Variants in ST6GALNAC3 observed in about 807,000 individuals in gnomAD.
ST6GALNAC3 encodes ST6 N-acetylgalactosaminide alpha-2,6-sialyltransferase 3, also known as alpha-N-acetylgalactosaminide alpha-2,6-sialyltransferase 3.
In ST6GALNAC3, 25 loss-of-function variants were observed where a neutral mutation model predicts 32.7. That is an observed-to-expected ratio of 0.76 (90% CI 0.56 to 1.07). ST6GALNAC3 has a LOEUF of 1.07. ST6GALNAC3 is among the 50% of genes least tolerant of loss of function. The probability of loss-of-function intolerance (pLI) is 0.00; values close to 1 mark genes in which losing one functional copy is unlikely to be tolerated. For synonymous variants in ST6GALNAC3, 129 were observed against 133.1 expected (o/e 0.97, Z 0.21); for missense variants, 355 against 382.4 (o/e 0.93, Z 0.60).
At chr1:76,394,765 G>C (rs1008779864) in intron 2 of ST6GALNAC3, among the ~76,000 whole-genome samples, 8 of 151,910 alleles carry the variant, frequency 5.3e-5, no homozygotes, top group African/African-American at 1.9e-4. Flanking sequence ...TAATTCATTG[G>C]CTTATTAAAT....
intron 3 of ST6GALNAC3, among the ~76,000 whole-genome samples, chr1:76,523,472 GAA>G (rs1358493564): frequency 3.3e-5 from 5 of 152,116 alleles, no homozygotes; most frequent in Non-Finnish European, 5.9e-5. Flanking sequence ...TCTTGCATTA[GAA>G]AAGGGTTACC....
chr1:76,240,377 A>C (rs1656896351), intron 1 of ST6GALNAC3, among the ~76,000 whole-genome samples: 1 of 152,172 alleles, frequency 6.6e-6, no homozygotes, highest in Non-Finnish European at 1.5e-5. Flanking sequence ...ACTTATATTT[A>C]GTTCTCTAAT....
intron 3 of ST6GALNAC3, among the ~76,000 whole-genome samples, chr1:76,513,042 G>A (rs1406523009): frequency 1.3e-5 from 2 of 151,556 alleles, no homozygotes; most frequent in Non-Finnish European, 2.9e-5. Context: ...ACTCCTTGTC[G>A]AATGTATAGT....
intron 1 of ST6GALNAC3, among the ~76,000 whole-genome samples, chr1:76,215,596 C>T (rs1470523484): frequency 6.6e-6 from 1 of 152,204 alleles, no homozygotes; most frequent in Non-Finnish European, 1.5e-5. Context: ...TATTAAGTTA[C>T]TTGCATGGAA....
At chr1:76,504,879 T>G (rs1350007355) in intron 3 of ST6GALNAC3, among the ~76,000 whole-genome samples, 1 of 152,198 alleles carries the variant, frequency 6.6e-6, no homozygotes, top group Non-Finnish European at 1.5e-5. Flanking sequence ...CACTGTCATT[T>G]TTTTCTATCG....
At chr1:76,446,137 A>AT (rs951081545) in intron 3 of ST6GALNAC3, among the ~76,000 whole-genome samples, 12 of 152,174 alleles carry the variant, frequency 7.9e-5, no homozygotes, top group African/African-American at 1.9e-4. Flanking sequence ...TGTTGAAAAT[A>AT]TTTTTTTCAG....
chr1:76,270,507 CAAAAAAA>C (rs34410935), intron 1 of ST6GALNAC3, among the ~76,000 whole-genome samples: 190 of 64,140 alleles, frequency 3.0e-3, no homozygotes, highest in African/African-American at 0.011. Flanking sequence ...AACTCTGTCT[CAAAAAAA>C]AAAAAAAAAA....
chr1:76,404,529 A>G (rs1274800274), intron 2 of ST6GALNAC3, among the ~76,000 whole-genome samples: 2 of 152,108 alleles, frequency 1.3e-5, no homozygotes, highest in African/African-American at 2.4e-5. Context: ...CCTTTCACTT[A>G]AAAGACCTCA....
intron 1 of ST6GALNAC3, among the ~76,000 whole-genome samples, chr1:76,173,607 A>G (rs555112878): frequency 6.6e-6 from 1 of 152,260 alleles, no homozygotes; most frequent in Non-Finnish European, 1.5e-5. Context: ...TCTAATATCC[A>G]GAATCTACAA....
intron 1 of ST6GALNAC3, among the ~76,000 whole-genome samples, chr1:76,103,261 G>T (rs1335489595): frequency 2.0e-5 from 3 of 151,658 alleles, no homozygotes; most frequent in African/African-American, 7.3e-5. Context: ...AAGTTCTCAG[G>T]CATCATTCAT....
chr1:76,260,153 G>A (rs1658144775), intron 1 of ST6GALNAC3, among the ~76,000 whole-genome samples: 1 of 152,094 alleles, frequency 6.6e-6, no homozygotes, highest in Admixed American at 6.6e-5. Flanking sequence ...TTCACATTTG[G>A]AGTAATCCTG....
At chr1:76,135,608 G>C (rs768467614) in intron 1 of ST6GALNAC3, among the ~76,000 whole-genome samples, 47 of 152,174 alleles carry the variant, frequency 3.1e-4, no homozygotes, top group Non-Finnish European at 5.9e-4. Flanking sequence ...TGTTCTTTTG[G>C]GTATGCATTT....
At chr1:76,114,492 A>G (rs1207907313) in intron 1 of ST6GALNAC3, among the ~76,000 whole-genome samples, 1 of 152,170 alleles carries the variant, frequency 6.6e-6, no homozygotes, top group African/African-American at 2.4e-5. Context: ...TGAACATATT[A>G]TTTTTCCTAA....
intron 3 of ST6GALNAC3, among the ~76,000 whole-genome samples, chr1:76,482,978 TG>T (rs1370990625): frequency 1.3e-5 from 2 of 151,286 alleles, no homozygotes; most frequent in East Asian, 4.0e-4. Context: ...ATGTGGTGTT[TG>T]GTTTTTTGTC....
intron 3 of ST6GALNAC3, among the ~76,000 whole-genome samples, chr1:76,534,052 C>CT (rs917975108): frequency 5.6e-4 from 84 of 151,204 alleles, no homozygotes; most frequent in African/African-American, 1.8e-3. Flanking sequence ...TATCTTTTTT[C>CT]TTTTTTTTGA....
intron 1 of ST6GALNAC3, among the ~76,000 whole-genome samples, chr1:76,290,041 C>G (rs541393793): frequency 6.6e-6 from 1 of 152,200 alleles, no homozygotes; most frequent in African/African-American, 2.4e-5. Flanking sequence ...CATTATCTCA[C>G]AAGCACTCTT....
At chr1:76,621,908 G>A (rs1256346848) in intron 3 of ST6GALNAC3, among the ~76,000 whole-genome samples, 1 of 151,988 alleles carries the variant, frequency 6.6e-6, no homozygotes, top group Non-Finnish European at 1.5e-5. Flanking sequence ...AGGTCCAATA[G>A]TGTTAAAACA....
At chr1:76,227,182 C>T (rs1656124385) in intron 1 of ST6GALNAC3, among the ~76,000 whole-genome samples, 1 of 152,150 alleles carries the variant, frequency 6.6e-6, no homozygotes, top group African/African-American at 2.4e-5. Context: ...GAATTCCCTT[C>T]TTCAGCTTGC....
intron 3 of ST6GALNAC3, among the ~76,000 whole-genome samples, chr1:76,616,318 A>AT (rs1296141325): frequency 2.0e-5 from 3 of 152,144 alleles, no homozygotes; most frequent in Non-Finnish European, 1.5e-5. Context: ...AGAAAAACAG[A>AT]TTTTTTTAGA....
Sources: allele counts gnomAD v4.1 joint callset (sites outside exome capture counted in the v4.1 genomes callset), GRCh38; gene constraint gnomAD v4.1.1; transcripts MANE v1.5; gene names NCBI Gene and HGNC (gene_info 2026-07-23, HGNC 2026-07-21).